Variants in DZIP1 observed in about 807,000 individuals in gnomAD.
DZIP1 encodes DAZ interacting zinc finger protein 1.
Under a neutral mutation model 107.6 loss-of-function variants are expected in DZIP1, and 97 were observed. The ratio of observed to expected loss-of-function variants is 0.90; its 90% CI spans 0.77 to 1.07. The LOEUF (loss-of-function observed/expected upper bound fraction) is 1.07, where lower values mean the gene tolerates loss of function less well. DZIP1 is among the 50% of genes least tolerant of loss of function. The pLI is 0.00. For missense variants in DZIP1, 1,035 were observed against 1,063.6 expected (o/e 0.97, Z 0.37); for synonymous variants, 390 against 386.4 (o/e 1.01, Z -0.11).
chr13:95,606,609 T>C (rs189595098), intron 13 of DZIP1, among the ~76,000 whole-genome samples: 1 of 152,382 alleles, frequency 6.6e-6, no homozygotes, highest in Admixed American at 6.5e-5. Context: ...TTCTGTGTTA[T>C]AAACTGACCA....
At chr13:95,634,114 C>A (rs185254262) in intron 5 of DZIP1, among the ~76,000 whole-genome samples, 13 of 152,120 alleles carry the variant, frequency 8.5e-5, no homozygotes, top group Non-Finnish European at 1.8e-4. Context: ...CCACTCCAGC[C>A]ACACCAGCCT....
At position 95,641,623 on chromosome 13, in the gene DZIP1, T is replaced by C. The variant is rs1195014589; in HGVS notation, c.269A>G (p.Gln90Arg). ...VAGAVDVLTL[Q>R]ENIMNITFCK... ...GAAGGTGATGTTCATGATGTTCTCC[T>C]GCAGCGTCAGCACGTCCACAGCCCC... Residue 90 changes from glutamine to arginine, a missense_variant, in exon 5 of 23, where the codon CAG becomes CGG. Gln to Arg is a conservative substitution (Grantham distance 43). Coordinates refer to ENST00000376829, the MANE Select transcript of DZIP1 (RefSeq NM_198968.4). The surrounding 1 kb of genome is among the most constrained non-coding windows in gnomAD (Gnocchi z 4.3). The C allele has an allele frequency of 6.2e-7, 1 of 1,611,744 alleles. No homozygotes were observed. The highest frequency in any genetic ancestry group is 1.3e-5 in the African/African-American group (1 of 74,954).
chr13:95,581,293 T>C lies in DZIP1; in HGVS notation c.*941A>G, dbSNP rs560840062. On this transcript the variant is annotated 3_prime_UTR_variant, in exon 23 of 23. Coordinates refer to ENST00000376829, the MANE Select transcript of DZIP1 (RefSeq NM_198968.4). The stretch of plus-strand genomic sequence containing the variant: ...CAATGTCATTGTTTAAGAATGTAAC[T>C]AAATTACTTTTGAGGTATTTCATAA... 1 of 152,770 alleles carries C rather than the reference T, an allele frequency of 6.5e-6. No individual in the cohort carries two copies. The highest frequency in any genetic ancestry group is 2.1e-4 in the South Asian group (1 of 4,830). The allele number at this position is 152,770 out of a possible 1,614,324, so 9.5% of individuals were successfully genotyped here. A position where few individuals can be genotyped will look rare whatever the true frequency, so the allele number is the denominator to read the frequency against.
In DZIP1 at chr13:95,581,627, G is replaced by T. The variant is rs2044014619; in HGVS notation, c.*607C>A. 2 of 151,988 alleles carry T rather than the reference G, an allele frequency of 1.3e-5. No individual in the cohort carries two copies. The highest frequency in any genetic ancestry group is 2.9e-5 in the Non-Finnish European group (2 of 68,086). The allele number at this position is 151,988 out of a possible 1,614,324, so 9.4% of individuals were successfully genotyped here. ...TGGAGGGGTGGAGTCTTGCTATATT[G>T]CCCACGCTGGTCTTGAACTCCTGTG... On this transcript the variant is annotated 3_prime_UTR_variant, in exon 23 of 23. Transcript: ENST00000376829.
chr13:95,582,761 A>G (rs1231697606), intron 22 of DZIP1, among the ~76,000 whole-genome samples: 6 of 152,228 alleles, frequency 3.9e-5, no homozygotes, highest in Admixed American at 3.9e-4. Context: ...CAACGAAGTC[A>G]ATTTTAAAAT....
intron 5 of DZIP1, among the ~76,000 whole-genome samples, chr13:95,636,212 A>G (rs973353794): frequency 6.9e-5 from 10 of 145,758 alleles, no homozygotes; most frequent in African/African-American, 2.2e-4. Flanking sequence ...AAAAAAAAAG[A>G]TCTGAAACAT....
Position 95,627,716 on chromosome 13 carries a change from A to G in DZIP1, c.810+2273T>C, listed in dbSNP as rs527519559. 9.2e-5 allele frequency among the ~76,000 whole-genome samples: 14 copies of G among 152,364 alleles called. No individual in the cohort carries two copies. In the East Asian group the frequency reaches 2.7e-3, roughly 29 times the overall value. ...TAAAATGGTACAGCTACTGTGGAAG[A>G]CAGTTTGGTGGTTCCTGAGAAAGTT... is the stretch of plus-strand genomic sequence containing the variant. On this transcript the variant is annotated intron_variant, in intron 7 of 22. Transcript: ENST00000376829.
Position 95,641,129 on chromosome 13 carries a change from C to T in DZIP1, c.597+166G>A, listed in dbSNP as rs994261775. 2.0e-5 allele frequency among the ~76,000 whole-genome samples: 3 copies of T among 152,136 alleles called. No homozygotes were observed. Among genetic ancestry groups the T allele is most frequent in the Non-Finnish European group, 2.9e-5 (2 of 68,034 alleles). On this transcript the variant is annotated intron_variant, in intron 5 of 22. Coordinates refer to ENST00000376829, the MANE Select transcript of DZIP1 (RefSeq NM_198968.4). This position sits in a 1 kb window ranked among gnomAD's most constrained non-coding sequence, Gnocchi z 4.3. ...CTGATTGTCTGCAGAAGGTAATGAA[C>T]CATGACATTTGTTGGTTAAATGACT...
At chr13:95,592,794 G>T (rs1019683716) in intron 16 of DZIP1, among the ~76,000 whole-genome samples, 30 of 152,176 alleles carry the variant, frequency 2.0e-4, no homozygotes, top group African/African-American at 7.0e-4. Flanking sequence ...TAATAAATAA[G>T]AACAAACTAC....
chr13:95,624,424 T>G (rs1318973756), intron 8 of DZIP1, among the ~76,000 whole-genome samples: 2 of 152,200 alleles, frequency 1.3e-5, no homozygotes, highest in African/African-American at 4.8e-5. Flanking sequence ...TGGGTCTGCT[T>G]CTTTCCCTTC....
At chr13:95,586,984 T>C (rs2044176916) in intron 20 of DZIP1, among the ~76,000 whole-genome samples, 1 of 152,180 alleles carries the variant, frequency 6.6e-6, no homozygotes, top group Non-Finnish European at 1.5e-5. Flanking sequence ...TAAATTCACA[T>C]GTTGAATTTC....
intron 10 of DZIP1, among the ~76,000 whole-genome samples, chr13:95,616,508 G>A (rs1187769063): frequency 1.3e-5 from 2 of 152,138 alleles, no homozygotes; most frequent in African/African-American, 4.8e-5. Context: ...TCACTCAGAG[G>A]GCCAATGACG....
chr13:95,633,665 C>T (rs993691510), intron 5 of DZIP1, among the ~76,000 whole-genome samples: 7 of 131,362 alleles, frequency 5.3e-5, no homozygotes, highest in Admixed American at 8.8e-5. Context: ...GACAACAGAG[C>T]GAGACTCCAT....
intron 15 of DZIP1, among the ~76,000 whole-genome samples, chr13:95,595,373 AG>A (rs1474790708): frequency 1.0e-5 from 1 of 98,476 alleles, no homozygotes; most frequent in Non-Finnish European, 2.1e-5. Context: ...TACATTAAAT[AG>A]AAGAACAAAA....
chr13:95,631,701 T>A (rs559966797), intron 6 of DZIP1, among the ~76,000 whole-genome samples: 2 of 152,254 alleles, frequency 1.3e-5, no homozygotes, highest in South Asian at 4.2e-4. Flanking sequence ...CACATCTTAG[T>A]ATCTCCCACA....
At position 95,641,705 on chromosome 13, in the gene DZIP1, G is replaced by A; in HGVS notation, c.187C>T (p.Arg63Trp). ...GPLPFFQFRP[R>W]LESVDWRRLS... ...CGCCGCCAGTCCACACTCTCCAGCC[G>A]CGGCCTGAACTGGAAGAAGGGCAGG... is the stretch of plus-strand genomic sequence containing the variant. Residue 63 changes from arginine to tryptophan, a missense_variant, in exon 5 of 23, where the codon CGG (arginine) becomes TGG (tryptophan). Transcript: ENST00000376829. This position sits in a 1 kb window ranked among gnomAD's most constrained non-coding sequence, Gnocchi z 4.3. 6.2e-7 allele frequency: 1 copy of A among 1,602,474 alleles called. No homozygotes were observed. Among genetic ancestry groups the A allele is most frequent in the Non-Finnish European group, 8.5e-7 (1 of 1,179,382 alleles).
intron 5 of DZIP1, among the ~76,000 whole-genome samples, chr13:95,636,124 G>C (rs1265127372): frequency 6.7e-6 from 1 of 149,528 alleles, no homozygotes; most frequent in Non-Finnish European, 1.5e-5. Context: ...GAACATAAGA[G>C]TAGCATACAT....
Position 95,624,943 on chromosome 13 carries a change from A to G in DZIP1, c.811-14T>C. ...CATTTCATATTCCTGAAATTATTTT[A>G]ATACACATCTTTAAAAGTTCTGGTC... On this transcript the variant is annotated splice_polypyrimidine_tract_variant and intron_variant, in intron 7 of 22. Transcript: ENST00000376829. The G allele has an allele frequency of 6.3e-7, 1 of 1,575,744 alleles. No individual in the cohort carries two copies. The highest frequency in any genetic ancestry group is 8.6e-7 in the Non-Finnish European group (1 of 1,165,256).
intron 13 of DZIP1, among the ~76,000 whole-genome samples, chr13:95,608,334 G>A (rs1168062194): frequency 6.6e-6 from 1 of 151,450 alleles, no homozygotes; most frequent in Non-Finnish European, 1.5e-5. Flanking sequence ...AAATTAAAAG[G>A]ATGAGATTTA....
Sources: allele counts gnomAD v4.1 joint callset (sites outside exome capture counted in the v4.1 genomes callset), GRCh38; gene constraint gnomAD v4.1.1; non-coding constraint Gnocchi (gnomAD v3.1); transcripts MANE v1.5; gene names NCBI Gene and HGNC (gene_info 2026-07-23, HGNC 2026-07-21).